Variants in FRMD4B observed in about 807,000 individuals in gnomAD.
FRMD4B encodes FERM domain containing 4B.
A neutral mutation model predicts 141.5 loss-of-function variants in FRMD4B; 74 were observed. That is an observed-to-expected ratio of 0.52 (90% CI 0.43 to 0.63). The LOEUF is 0.63. FRMD4B is among the 30% of genes least tolerant of loss of function. The probability of loss-of-function intolerance (pLI) is 0.00; values close to 1 mark genes in which losing one functional copy is unlikely to be tolerated. For synonymous variants in FRMD4B, 506 were observed against 467.9 expected (o/e 1.08, Z -1.05); for missense variants, 1,366 against 1,253.4 (o/e 1.09, Z -1.36).
In FRMD4B at chr3:69,474,357, T is replaced by C. The variant is rs532186350; in HGVS notation, c.-128-41596A>G. Among the ~76,000 whole-genome samples, 12 of 152,250 alleles carry C rather than the reference T, an allele frequency of 7.9e-5. No homozygotes were observed. The East Asian group carries it at 2.1e-3, about 27-fold the overall frequency. On this transcript the variant is annotated intron_variant, in intron 1 of 5. Transcript: ENST00000459638. Reference sequence around the variant, plus strand: ...AAACTCAGCAGCATGAAGTTGCAAATGGTCATTCCAAAACTACCATCTGAT... The same window carrying C: ...AAACTCAGCAGCATGAAGTTGCAAACGGTCATTCCAAAACTACCATCTGAT...
intron 1 of FRMD4B, chr3:69,472,448 C>G (rs1246250427): frequency 2.2e-6 from 1 of 444,722 alleles, no homozygotes; most frequent in Non-Finnish European, 4.5e-6. Context: ...AAAGGCCAAA[C>G]GGAAGACCAG....
At position 69,344,430 on chromosome 3, in the gene FRMD4B, A is replaced by G. The variant is rs547719191; in HGVS notation, c.163-30913T>C. 2.0e-5 allele frequency among the ~76,000 whole-genome samples: 3 copies of G among 152,330 alleles called. No homozygotes were observed. The East Asian group carries it at 5.8e-4, about 29-fold the overall frequency. ...ACAGTGACAGATAGAGCTGTAATAT[A>G]TTTGGGTAATAGGGAAGTAACTACA... On this transcript the variant is annotated intron_variant, in intron 1 of 22. Transcript: ENST00000398540.
At chr3:69,540,636 A>AT (rs869069411) in intron 1 of FRMD4B, among the ~76,000 whole-genome samples, 110 of 69,526 alleles carry the variant, frequency 1.6e-3, no homozygotes, top group South Asian at 3.2e-3. Context: ...AAAAAAAAAA[A>AT]ATATATATAT....
chr3:69,355,844 G>A (rs1160511314), intron 1 of FRMD4B, among the ~76,000 whole-genome samples: 5 of 152,100 alleles, frequency 3.3e-5, no homozygotes, highest in Non-Finnish European at 7.4e-5. Context: ...GGCCAACATG[G>A]CGTAACCCCA....
chr3:69,181,320 T>A lies in FRMD4B; in HGVS notation c.2430A>T (p.Thr810=). The A allele has an allele frequency of 6.2e-7, 1 of 1,613,874 alleles. No individual in the cohort carries two copies. Among genetic ancestry groups the A allele is most frequent in the South Asian group, 1.1e-5 (1 of 91,072 alleles). Residue 810 remains threonine, a synonymous_variant, in exon 21 of 23, where the codon ACA becomes ACT. Transcript: ENST00000398540. ...PSSSYYIAGY[T]PYAECDFYYS... is the part of the protein sequence containing the mutation. ...AATAAAAGTCACACTCTGCATAGGG[T>A]GTGTACCCGGCAATGTAGTAACTGG...
At chr3:69,238,023 C>T (rs2093357586) in intron 7 of FRMD4B, among the ~76,000 whole-genome samples, 1 of 152,194 alleles carries the variant, frequency 6.6e-6, no homozygotes, top group African/African-American at 2.4e-5. Flanking sequence ...TGAGCCACAG[C>T]GCCCATCCAC....
intron 2 of FRMD4B, among the ~76,000 whole-genome samples, chr3:69,407,610 A>AT (rs1403662090): frequency 6.6e-6 from 1 of 152,164 alleles, no homozygotes; most frequent in Non-Finnish European, 1.5e-5. Context: ...TGTCTTTGTG[A>AT]TTTTCTGATC....
At chr3:69,469,925 T>G (rs1268630929) in intron 1 of FRMD4B, among the ~76,000 whole-genome samples, 2 of 152,180 alleles carry the variant, frequency 1.3e-5, no homozygotes, top group African/African-American at 2.4e-5. Context: ...TTCACCAAAT[T>G]GCTGTGTTGC....
chr3:69,449,196 A>G (rs1705455092), intron 1 of FRMD4B, among the ~76,000 whole-genome samples: 1 of 152,214 alleles, frequency 6.6e-6, no homozygotes, highest in South Asian at 2.1e-4. Flanking sequence ...TAACTCTAAC[A>G]TTACCTCAGC....
intron 1 of FRMD4B, among the ~76,000 whole-genome samples, 170 bp downstream of exon 1, chr3:69,385,658 T>C (rs1373874374): frequency 1.3e-5 from 2 of 151,992 alleles, no homozygotes; most frequent in African/African-American, 4.8e-5. Context: ...ATTCACAAGC[T>C]CTGTCAAGCA....
At chr3:69,429,468 G>T (rs1225561697) in intron 2 of FRMD4B, among the ~76,000 whole-genome samples, 2 of 152,052 alleles carry the variant, frequency 1.3e-5, no homozygotes, top group Non-Finnish European at 2.9e-5. Flanking sequence ...GACGAGCATG[G>T]TTATTTAAAA....
intron 1 of FRMD4B, among the ~76,000 whole-genome samples, chr3:69,336,306 G>A (rs1030576475): frequency 4.6e-5 from 7 of 152,148 alleles, no homozygotes; most frequent in Non-Finnish European, 7.4e-5. Flanking sequence ...AGTGGCACCC[G>A]GCAATCTGTG....
At chr3:69,173,347 C>A (rs550839224) in intron 22 of FRMD4B, among the ~76,000 whole-genome samples, 1 of 151,912 alleles carries the variant, frequency 6.6e-6, no homozygotes, top group Non-Finnish European at 1.5e-5. Flanking sequence ...AAAATTAGTA[C>A]CTTTCTATAA....
chr3:69,278,603 G>A (rs1164135784), intron 5 of FRMD4B, among the ~76,000 whole-genome samples: 2 of 79,258 alleles, frequency 2.5e-5, no homozygotes, highest in Non-Finnish European at 5.3e-5. Context: ...GCCCCAAATT[G>A]CTTTTTTTTT....
intron 1 of FRMD4B, among the ~76,000 whole-genome samples, chr3:69,444,044 G>A (rs1195543710): frequency 6.6e-6 from 1 of 152,018 alleles, no homozygotes. Flanking sequence ...CTGGACCTGT[G>A]GCCCCCACCC....
At chr3:69,517,561 A>T (rs1414047916) in intron 1 of FRMD4B, among the ~76,000 whole-genome samples, 1 of 152,176 alleles carries the variant, frequency 6.6e-6, no homozygotes, top group African/African-American at 2.4e-5. Context: ...CAAAGGCTTC[A>T]TGTGTAAGCA....
intron 11 of FRMD4B, among the ~76,000 whole-genome samples, chr3:69,209,791 T>C (rs2093058367): frequency 6.6e-6 from 1 of 152,228 alleles, no homozygotes; most frequent in African/African-American, 2.4e-5. Context: ...ATGCTTTATT[T>C]GGCATTAATG....
intron 1 of FRMD4B, among the ~76,000 whole-genome samples, chr3:69,522,213 G>A (rs183163944): frequency 7.3e-4 from 111 of 152,136 alleles, no homozygotes; most frequent in Non-Finnish European, 9.6e-4. Flanking sequence ...GCACATCAAA[G>A]GTTGCTTTCT....
intron 1 of FRMD4B, among the ~76,000 whole-genome samples, chr3:69,442,993 C>G (rs914736258): frequency 6.6e-6 from 1 of 152,176 alleles, no homozygotes; most frequent in African/African-American, 2.4e-5. Context: ...GTGAGAGAAG[C>G]ATCTTTTGTT....
Sources: gnomAD v4.1 joint callset for allele counts (sites outside exome capture counted in the v4.1 genomes callset) on GRCh38, gnomAD v4.1.1 for gene constraint, MANE v1.5 for transcripts, NCBI Gene and HGNC (gene_info 2026-07-23, HGNC 2026-07-21) for gene names.